Variants in TRUB1 observed in about 807,000 individuals in gnomAD.
TRUB1 encodes the protein pseudouridylate synthase TRUB1.
Under a neutral mutation model 33.9 loss-of-function variants are expected in TRUB1, and 23 were observed. The observed-to-expected ratio is 0.68, with a 90% CI of 0.49 to 0.96. TRUB1 has a LOEUF of 0.96. Ranked by LOEUF, TRUB1 falls within the 40% of genes least tolerant of loss-of-function variation. The pLI is 0.00. For synonymous variants in TRUB1, 163 were observed against 165.4 expected, an observed-to-expected ratio of 0.99 and a Z score of 0.11; for missense variants, 378 against 422.2, an observed-to-expected ratio of 0.90 and a Z score of 0.92.
intron 1 of TRUB1, among the ~76,000 whole-genome samples, chr10:114,941,889 A>G (rs1405640797): frequency 6.6e-6 from 1 of 151,946 alleles, no homozygotes; most frequent in African/African-American, 2.4e-5. Flanking sequence ...GGTTCACACC[A>G]TTCTCCTGCC....
chr10:114,953,339 G>A (rs2084245674), intron 3 of TRUB1, among the ~76,000 whole-genome samples: 1 of 152,058 alleles, frequency 6.6e-6, no homozygotes, highest in South Asian at 2.1e-4. Context: ...TCAAAAATAG[G>A]CATCGTTGTC....
chr10:114,964,930 GTTTT>G (rs11320741), intron 4 of TRUB1, among the ~76,000 whole-genome samples: 3 of 127,620 alleles, frequency 2.4e-5, no homozygotes, highest in South Asian at 2.5e-4. Flanking sequence ...TTTTCTATAG[GTTTT>G]TTTTTTTTTT....
intron 3 of TRUB1, among the ~76,000 whole-genome samples, chr10:114,953,136 A>G (rs1249522695): frequency 2.6e-5 from 4 of 152,202 alleles, no homozygotes; most frequent in Non-Finnish European, 4.4e-5. Context: ...AATTTCAGGC[A>G]TATTTTCAGA....
chr10:114,952,397 C>T lies in TRUB1; in HGVS notation c.441+1248C>T, dbSNP rs888287717. 5.3e-5 allele frequency among the ~76,000 whole-genome samples: 8 copies of T among 152,156 alleles called. No individual in the cohort carries two copies. In the East Asian group the frequency reaches 5.8e-4, roughly 11 times the overall value. On this transcript the variant is annotated intron_variant, in intron 3 of 7. Transcript: ENST00000298746. ...CGGAGGTTGCAGTGAGCCAAGATCA[C>T]GCCATTGCACGCCAGCGTGGGTGAC...
intron 5 of TRUB1, 53 bp from the exon 6 acceptor site, chr10:114,972,082 C>T: frequency 6.3e-7 from 1 of 1,595,920 alleles, no homozygotes. Context: ...TTCCAAATCC[C>T]TCTCAATTCT....
intron 2 of TRUB1, among the ~76,000 whole-genome samples, chr10:114,944,205 T>C (rs779024654): frequency 1.6e-4 from 24 of 152,090 alleles, no homozygotes; most frequent in African/African-American, 2.7e-4. Context: ...AATACTTATC[T>C]TTTTACATGC....
intron 4 of TRUB1, among the ~76,000 whole-genome samples, chr10:114,966,333 A>G (rs2084309067): frequency 6.6e-6 from 1 of 152,186 alleles, no homozygotes; most frequent in East Asian, 1.9e-4. Context: ...TTTTAATTCT[A>G]TTCCATTGAT....
intron 4 of TRUB1, among the ~76,000 whole-genome samples, chr10:114,962,967 T>C (rs2084290570): frequency 6.6e-6 from 1 of 152,154 alleles, no homozygotes; most frequent in Non-Finnish European, 1.5e-5. Context: ...CACATCTAGG[T>C]ATTAAGTGTC....
At position 114,974,534 on chromosome 10, in the gene TRUB1, T is replaced by C; in HGVS notation, c.793+149T>C. 4.9e-6 allele frequency: 3 copies of C among 608,992 alleles called. No individual in the cohort carries two copies. The East Asian group carries it at 8.8e-5, about 18-fold the overall frequency. The allele number at this position is 608,992 out of a possible 1,614,324, so 37.7% of individuals were successfully genotyped here. A position where few individuals can be genotyped will look rare whatever the true frequency, so the allele number is the denominator to read the frequency against. On this transcript the variant is annotated intron_variant, in intron 7 of 7. Coordinates refer to ENST00000298746, the MANE Select transcript of TRUB1 (RefSeq NM_139169.5). Reference sequence around the variant, plus strand: ...TTCAGCTTTAAAAGCATTGTAGGTTTCTGGCTTGCAATTATCAGCCTCAGC... The same window carrying C: ...TTCAGCTTTAAAAGCATTGTAGGTTCCTGGCTTGCAATTATCAGCCTCAGC...
At chr10:114,951,448 A>C (rs951551918) in intron 3 of TRUB1, among the ~76,000 whole-genome samples, 1 of 152,242 alleles carries the variant, frequency 6.6e-6, no homozygotes, top group South Asian at 2.1e-4. Context: ...TAGAGGTCAT[A>C]AACTCTAGTG....
chr10:114,972,422 T>A, intron 6 of TRUB1, 148 bp downstream of exon 6: 1 of 911,944 alleles, frequency 1.1e-6, no homozygotes, highest in East Asian at 2.7e-5. Flanking sequence ...TTTATACCTT[T>A]TTTGGTAACA....
intron 2 of TRUB1, among the ~76,000 whole-genome samples, chr10:114,945,523 T>C (rs1382911767): frequency 6.6e-6 from 1 of 152,218 alleles, no homozygotes; most frequent in Admixed American, 6.5e-5. Context: ...AAAATAGTGA[T>C]ATTCAAGGCA....
chr10:114,941,077 C>G lies in TRUB1; in HGVS notation c.287-1568C>G, dbSNP rs189421834. ...TGCTTTGTTTTCCCTCCTCCCTTCT[C>G]TGTCCACTCGTTTCGTTTTCTTTGC... is the stretch of plus-strand genomic sequence containing the variant. On this transcript the variant is annotated intron_variant, in intron 1 of 7. Coordinates refer to ENST00000298746, the MANE Select transcript of TRUB1 (RefSeq NM_139169.5). 2.6e-5 allele frequency among the ~76,000 whole-genome samples: 4 copies of G among 152,276 alleles called. No individual in the cohort carries two copies. The East Asian group carries it at 7.7e-4, about 29-fold the overall frequency.
intron 1 of TRUB1, 75 bp downstream of exon 1, chr10:114,938,614 C>G: frequency 2.1e-6 from 3 of 1,414,036 alleles, no homozygotes; most frequent in Non-Finnish European, 2.8e-6. Flanking sequence ...TTTTGCGACG[C>G]TCGTGATTCA....
intron 2 of TRUB1, among the ~76,000 whole-genome samples, chr10:114,948,664 A>G (rs958308837): frequency 2.0e-5 from 3 of 152,198 alleles, no homozygotes; most frequent in Admixed American, 6.5e-5. Context: ...CCTCACTTCA[A>G]TGGCATTTGG....
chr10:114,974,306 C>T, intron 6 of TRUB1, 23 bp from the exon 7 acceptor site: 1 of 1,601,650 alleles, frequency 6.2e-7, no homozygotes, highest in South Asian at 1.1e-5. Flanking sequence ...TAGCAATTTA[C>T]TATGTCACTG....
chr10:114,948,346 C>G (rs540672684), intron 2 of TRUB1, among the ~76,000 whole-genome samples: 35 of 152,300 alleles, frequency 2.3e-4, no homozygotes, highest in African/African-American at 8.2e-4. Flanking sequence ...ACCTTTGAAG[C>G]CTGCCTGCTG....
At chr10:114,967,226 A>G (rs191080376) in intron 4 of TRUB1, among the ~76,000 whole-genome samples, 248 of 152,282 alleles carry the variant, frequency 1.6e-3, no homozygotes, top group African/African-American at 5.8e-3. Flanking sequence ...TCCCACAGTT[A>G]AGAAAGCACC....
chr10:114,970,745 T>G (rs1592054560), intron 5 of TRUB1, among the ~76,000 whole-genome samples: 2 of 152,208 alleles, frequency 1.3e-5, no homozygotes, highest in East Asian at 3.9e-4. Flanking sequence ...CAGAGATGTC[T>G]CTTTTCCTAG....
Sources: gnomAD v4.1 joint callset for allele counts (sites outside exome capture counted in the v4.1 genomes callset) on GRCh38, gnomAD v4.1.1 for gene constraint, MANE v1.5 for transcripts, NCBI Gene and HGNC (gene_info 2026-07-23, HGNC 2026-07-21) for gene names.